DPP10: variants seen among roughly 807,000 people sequenced by gnomAD.
DPP10 encodes the protein dipeptidyl peptidase like 10.
A neutral mutation model predicts 120.9 loss-of-function variants in DPP10; 33 were observed. That is an observed-to-expected ratio of 0.27 (90% CI 0.21 to 0.37). The LOEUF (loss-of-function observed/expected upper bound fraction) is 0.37. Ranked by LOEUF, DPP10 falls within the 10% of genes least tolerant of loss-of-function variation. DPP10 has a pLI of 1.00. For synonymous variants in DPP10, 337 were observed against 326.1 expected, an observed-to-expected ratio of 1.03 and a Z score of -0.36; for missense variants, 816 against 942.8, an observed-to-expected ratio of 0.87 and a Z score of 1.76.
chr2:115,479,427 G>A (rs910117418), intron 3 of DPP10, among the ~76,000 whole-genome samples: 1 of 152,064 alleles, frequency 6.6e-6, no homozygotes, highest in Non-Finnish European at 1.5e-5. Context: ...AAGAGTTACT[G>A]TTTAATGCGT....
Position 115,007,521 on chromosome 2 carries a change from C to T in DPP10, c.61-301718C>T, listed in dbSNP as rs562798896. On this transcript the variant is annotated intron_variant, in intron 1 of 25. Coordinates refer to ENST00000410059, the MANE Select transcript of DPP10 (RefSeq NM_020868.6). ...ATTCCCTTTGAAAACTGGCACAAGACAGGGATGCCCTCTCTCACCACTCCT... is the reference window on the plus strand; with the variant it reads ...ATTCCCTTTGAAAACTGGCACAAGATAGGGATGCCCTCTCTCACCACTCCT... Among the ~76,000 whole-genome samples, 846 of 150,360 alleles carry T rather than the reference C, an allele frequency of 5.6e-3. 9 individuals carry two copies. Among genetic ancestry groups the T allele is most frequent in the African/African-American group, 0.019 (799 of 41,132 alleles).
At chr2:115,307,661 A>C (rs2061413766) in intron 1 of DPP10, among the ~76,000 whole-genome samples, 1 of 152,074 alleles carries the variant, frequency 6.6e-6, no homozygotes, top group Non-Finnish European at 1.5e-5. Flanking sequence ...CTACCTTCTG[A>C]GTAGCCTTGA....
rs140697160 is a variant in DPP10, at chr2:114,894,049, A to G, written c.61-415190A>G. ...CACCTCTCCACTTTTCAATTATTCT[A>G]CATATTTAACAAGTTCCCAAGAGAG... On this transcript the variant is annotated intron_variant, in intron 1 of 25. Transcript: ENST00000410059. Among the ~76,000 whole-genome samples, 463 of 152,196 alleles carry G rather than the reference A, an allele frequency of 3.0e-3. 2 individuals are homozygous for G. The highest frequency in any genetic ancestry group is 0.011 in the African/African-American group (444 of 41,512).
At chr2:115,011,096 T>C (rs559116791) in intron 1 of DPP10, among the ~76,000 whole-genome samples, 16 of 152,346 alleles carry the variant, frequency 1.1e-4, no homozygotes, top group African/African-American at 3.8e-4. Flanking sequence ...TTTCCACATA[T>C]ATGGTTACTC....
At chr2:115,477,504 G>T (rs2075161967) in intron 3 of DPP10, among the ~76,000 whole-genome samples, 3 of 152,080 alleles carry the variant, frequency 2.0e-5, no homozygotes, top group Admixed American at 2.0e-4. Context: ...GGAAAAAAAA[G>T]ATATATATTA....
At chr2:114,737,201 C>T (rs1422692670) in intron 1 of DPP10, among the ~76,000 whole-genome samples, 1 of 152,142 alleles carries the variant, frequency 6.6e-6, no homozygotes, top group Non-Finnish European at 1.5e-5. Flanking sequence ...TGCTTATTCT[C>T]AGCTCATTGG....
At chr2:115,358,110 C>T (rs1168981273) in intron 3 of DPP10, among the ~76,000 whole-genome samples, 2 of 152,086 alleles carry the variant, frequency 1.3e-5, no homozygotes, top group Non-Finnish European at 2.9e-5. Flanking sequence ...ACATTGGGCC[C>T]CCTGTTGCTT....
chr2:115,394,633 A>G (rs80129795), intron 3 of DPP10, among the ~76,000 whole-genome samples: 2,916 of 152,236 alleles, frequency 0.019, 99 homozygotes, highest in African/African-American at 0.065. Flanking sequence ...AACTATCAAA[A>G]TAGCCCATAT....
chr2:114,706,898 G>A (rs1700720022), intron 1 of DPP10, among the ~76,000 whole-genome samples: 1 of 151,326 alleles, frequency 6.6e-6, no homozygotes, highest in African/African-American at 2.4e-5. Context: ...AAAATATGTT[G>A]GAACTTCTCT....
intron 1 of DPP10, among the ~76,000 whole-genome samples, chr2:114,522,002 C>T (rs866396809): frequency 0.011 from 1,335 of 117,482 alleles, 25 homozygotes; most frequent in African/African-American, 0.041. Flanking sequence ...TTTTTTGAGA[C>T]GGAGTCTCGC....
chr2:115,776,660 C>A (rs1682133954), intron 13 of DPP10, among the ~76,000 whole-genome samples: 5 of 152,038 alleles, frequency 3.3e-5, no homozygotes, highest in Admixed American at 3.3e-4. Flanking sequence ...GACAATACTA[C>A]TACCTGTTTT....
chr2:115,843,549 G>A lies in DPP10; in HGVS notation c.*1204G>A, dbSNP rs1158280812. The stretch of plus-strand genomic sequence containing the variant: ...AATTCTTCTGGTGAGAATTAGAAAT[G>A]AAATATTTTTTATTCATTGGCCAAA... On this transcript the variant is annotated 3_prime_UTR_variant, in exon 26 of 26. Transcript: ENST00000410059. The A allele has an allele frequency of 6.6e-6, 1 of 152,240 alleles. No homozygotes were observed. Among genetic ancestry groups the A allele is most frequent in the East Asian group, 1.9e-4 (1 of 5,192 alleles). The allele number at this position is 152,240 out of a possible 1,614,324, so 9.4% of individuals were successfully genotyped here.
intron 3 of DPP10, among the ~76,000 whole-genome samples, chr2:115,448,866 A>G (rs2072858394): frequency 6.6e-6 from 1 of 152,162 alleles, no homozygotes; most frequent in Non-Finnish European, 1.5e-5. Flanking sequence ...CATAGCACAT[A>G]TCATTTGAGG....
intron 1 of DPP10, among the ~76,000 whole-genome samples, chr2:115,173,840 A>G (rs1374009211): frequency 6.6e-6 from 1 of 152,172 alleles, no homozygotes; most frequent in East Asian, 1.9e-4. Flanking sequence ...TATCTGGTTT[A>G]CTGATAAGGC....
chr2:114,538,199 T>C (rs1686667739), intron 1 of DPP10, among the ~76,000 whole-genome samples: 1 of 152,234 alleles, frequency 6.6e-6, no homozygotes, highest in African/African-American at 2.4e-5. Flanking sequence ...GTGGCCTGGT[T>C]CTTTGGACGG....
intron 1 of DPP10, among the ~76,000 whole-genome samples, chr2:115,303,059 T>A (rs1471306314): frequency 1.3e-5 from 2 of 152,066 alleles, no homozygotes; most frequent in African/African-American, 4.8e-5. Flanking sequence ...CAATAGTCCA[T>A]AATGTTTGTT....
At chr2:114,869,317 C>T (rs13392296) in intron 1 of DPP10, among the ~76,000 whole-genome samples, 1,761 of 152,118 alleles carry the variant, frequency 0.012, 34 homozygotes, top group African/African-American at 0.04. Flanking sequence ...AGGTTTATTG[C>T]GCACTGTTTG....
intron 1 of DPP10, among the ~76,000 whole-genome samples, chr2:114,969,336 T>C (rs945953001): frequency 6.6e-6 from 1 of 152,224 alleles, no homozygotes; most frequent in African/African-American, 2.4e-5. Context: ...AGAGCATTAC[T>C]AAGTTTACAA....
intron 1 of DPP10, among the ~76,000 whole-genome samples, chr2:115,264,038 A>G (rs779262360): frequency 6.6e-6 from 1 of 152,228 alleles, no homozygotes. Flanking sequence ...AATGATTTCC[A>G]TAGTAAATAC....
Sources: allele counts gnomAD v4.1 joint callset (sites outside exome capture counted in the v4.1 genomes callset), GRCh38; gene constraint gnomAD v4.1.1; transcripts MANE v1.5; gene names NCBI Gene and HGNC (gene_info 2026-07-23, HGNC 2026-07-21).